CYP3A5: variants seen among roughly 807,000 people sequenced by gnomAD.
CYP3A5 encodes cytochrome P450 3A5.
In CYP3A5, 51 loss-of-function variants were observed where a neutral mutation model predicts 55.9. The observed-to-expected ratio is 0.91, with a 90% CI of 0.73 to 1.15. The LOEUF (loss-of-function observed/expected upper bound fraction) is 1.15. Ranked by LOEUF, CYP3A5 falls within the 50% of genes most tolerant of loss-of-function variation. The pLI is 0.00. For synonymous variants in CYP3A5, 196 were observed against 213.9 expected (o/e 0.92, Z 0.73); for missense variants, 533 against 596.6 (o/e 0.89, Z 1.11).
At chr7:99,654,105 A>C (rs150826762) in intron 10 of CYP3A5, among the ~76,000 whole-genome samples, 30 of 152,082 alleles carry the variant, frequency 2.0e-4, no homozygotes, top group African/African-American at 6.8e-4. Flanking sequence ...TTATACTTTA[A>C]GTTTTAGGGT....
At chr7:99,667,350 G>T (rs1042871696) in intron 4 of CYP3A5, among the ~76,000 whole-genome samples, 2 of 152,190 alleles carry the variant, frequency 1.3e-5, no homozygotes, top group Non-Finnish European at 2.9e-5. Context: ...GTAGGGAACT[G>T]TTCTTCCAGT....
chr7:99,650,393 G>A (rs562123276), intron 11 of CYP3A5, among the ~76,000 whole-genome samples, 161 bp from the exon 12 acceptor site: 9 of 152,184 alleles, frequency 5.9e-5, no homozygotes, highest in African/African-American at 1.4e-4. Context: ...TGGTTATTTC[G>A]TTATAATCAT....
intron 2 of CYP3A5, 143 bp from the exon 3 acceptor site, chr7:99,674,728 T>C (rs890216980): frequency 2.8e-5 from 17 of 610,848 alleles, no homozygotes; most frequent in Non-Finnish European, 4.5e-5. Flanking sequence ...TTCAGAGATG[T>C]CTTAAGGGAA....
At chr7:99,651,338 A>G (rs1809168583) in intron 11 of CYP3A5, among the ~76,000 whole-genome samples, 1 of 152,222 alleles carries the variant, frequency 6.6e-6, no homozygotes, top group African/African-American at 2.4e-5. Context: ...ATTTATATAA[A>G]TCATATGAAT....
At chr7:99,677,638 T>A (rs905057872) in intron 1 of CYP3A5, among the ~76,000 whole-genome samples, 1 of 152,198 alleles carries the variant, frequency 6.6e-6, no homozygotes, top group Non-Finnish European at 1.5e-5. Flanking sequence ...AGGGCAGGGT[T>A]TGGAGGACTC....
intron 4 of CYP3A5, among the ~76,000 whole-genome samples, chr7:99,668,686 G>A (rs561378621): frequency 2.0e-5 from 3 of 152,204 alleles, no homozygotes; most frequent in Non-Finnish European, 2.9e-5. Flanking sequence ...GCGAGAGGAC[G>A]CTATTGCAGT....
chr7:99,673,939 A>G (rs1033793472), intron 3 of CYP3A5, among the ~76,000 whole-genome samples: 5 of 152,254 alleles, frequency 3.3e-5, no homozygotes, highest in Admixed American at 1.3e-4. Flanking sequence ...CTGGTGACAC[A>G]TGGGATCCTT....
In CYP3A5 at chr7:99,652,567, C is replaced by T; in HGVS notation, c.1239G>A (p.Glu413=). 6.2e-7 allele frequency: 1 copy of T among 1,608,388 alleles called. No individual in the cohort carries two copies. Among genetic ancestry groups the T allele is most frequent in the South Asian group, 1.1e-5 (1 of 90,382 alleles). ...GAGACTTGTACCTTTCAGGGCGGAACTCCTCAGGCTCTGTCCAGTACTTTG... is the reference window on the plus strand; with the variant it reads ...GAGACTTGTACCTTTCAGGGCGGAATTCCTCAGGCTCTGTCCAGTACTTTG... ...HDPKYWTEPE[E]FRPERFSKKK... Residue 413 remains glutamate (E), a synonymous_variant, in exon 11 of 13, where the codon GAG becomes GAA. Coordinates refer to ENST00000222982, the MANE Select transcript of CYP3A5 (RefSeq NM_000777.5).
rs751289723 is a variant in CYP3A5 at position 99,676,217 on chromosome 7, T to A, written c.72-9A>T. On this transcript the variant is annotated splice_polypyrimidine_tract_variant and intron_variant, in intron 1 of 12. Transcript: ENST00000222982. ...GTGTACGGGTCCCATATCTACAAAG[T>A]GAAACAGAAATCAGGTCACAGGGAT... 3 of 1,613,354 alleles carry A rather than the reference T, an allele frequency of 1.9e-6. No individual in the cohort carries two copies. The highest frequency in any genetic ancestry group is 1.3e-5 in the African/African-American group (1 of 74,992).
intron 2 of CYP3A5, among the ~76,000 whole-genome samples, 182 bp downstream of exon 2, chr7:99,675,933 C>T (rs1303790855): frequency 1.3e-5 from 2 of 151,266 alleles, no homozygotes; most frequent in East Asian, 4.0e-4. Flanking sequence ...TGGGCTCAAG[C>T]AATTTGCCAG....
In CYP3A5 at chr7:99,667,035, C is replaced by T. The variant is rs1811093404; in HGVS notation, c.349G>A (p.Ala117Thr). ...SLGPVGFMKS[A>T]ISLAEDEEWK... ...TCTTCATCCTCAGCTAAAGAGATGGCACTTTTCATAAATCCCACTGGGCCT... is the reference window on the plus strand; with the variant it reads ...TCTTCATCCTCAGCTAAAGAGATGGTACTTTTCATAAATCCCACTGGGCCT... Residue 117 changes from alanine (A) to threonine (T), a missense_variant, in exon 5 of 13, where the codon GCC becomes ACC. Physicochemically the swap from Ala to Thr is moderately conservative, Grantham distance 58. Coordinates refer to ENST00000222982, the MANE Select transcript of CYP3A5 (RefSeq NM_000777.5). The T allele has an allele frequency of 6.2e-7, 1 of 1,614,114 alleles. No individual in the cohort carries two copies. The highest frequency in any genetic ancestry group is 1.3e-5 in the African/African-American group (1 of 75,056).
intron 4 of CYP3A5, among the ~76,000 whole-genome samples, chr7:99,669,626 A>C (rs1243794633): frequency 6.6e-6 from 1 of 152,164 alleles, no homozygotes; most frequent in Non-Finnish European, 1.5e-5. Flanking sequence ...GCTAATTTAA[A>C]ATTTTATGCT....
chr7:99,666,919 C>G (rs1326176149), intron 5 of CYP3A5, 33 bp downstream of exon 5: 1 of 1,609,574 alleles, frequency 6.2e-7, no homozygotes, highest in Admixed American at 1.7e-5. Flanking sequence ...TCATTCTTTA[C>G]ATTTCTAATT....
Position 99,676,188 on chromosome 7 carries a change from C to T in CYP3A5, c.92G>A (p.Gly31Glu). The change falls in exon 2 of 13, where the codon GGA (glycine) becomes GAA (glutamate). Residue 31 changes from glycine (G) to glutamate (E), a missense_variant. Coordinates refer to ENST00000222982, the MANE Select transcript of CYP3A5 (RefSeq NM_000777.5). Reference protein sequence around the residue: ...LLYLYGTRTHGLFKRLGIPGP... With the variant: ...LLYLYGTRTHELFKRLGIPGP... ...TGGAATTCCCAGTCTCTTAAAAAGT[C>T]CATGTGTACGGGTCCCATATCTACA... 1 of 1,612,014 alleles carries T rather than the reference C, an allele frequency of 6.2e-7. No individual in the cohort carries two copies. The highest frequency in any genetic ancestry group is 1.3e-5 in the African/African-American group (1 of 74,888).
chr7:99,655,233 TC>T (rs1809589928), intron 10 of CYP3A5, among the ~76,000 whole-genome samples: 1 of 152,246 alleles, frequency 6.6e-6, no homozygotes, highest in African/African-American at 2.4e-5. Context: ...AAGTCTTTAA[TC>T]CATCTTGAAT....
chr7:99,679,712 C>T, intron 1 of CYP3A5, 114 bp downstream of exon 1: 4 of 965,196 alleles, frequency 4.1e-6, no homozygotes, highest in Non-Finnish European at 6.6e-6. Context: ...TCCAACACTT[C>T]AGCTACTTCT....
intron 1 of CYP3A5, among the ~76,000 whole-genome samples, chr7:99,677,707 A>G (rs1812425129): frequency 6.6e-6 from 1 of 152,246 alleles, no homozygotes; most frequent in African/African-American, 2.4e-5. Context: ...CAGAACAGTT[A>G]GTGGAAGTGC....
At chr7:99,663,857 A>C in intron 8 of CYP3A5, 111 bp downstream of exon 8, 1 of 1,434,524 alleles carries the variant, frequency 7.0e-7, no homozygotes, top group South Asian at 1.6e-5. Flanking sequence ...TGTTCTAAAC[A>C]TAAGTTCTCT....
chr7:99,665,371 A>G, intron 6 of CYP3A5, 57 bp from the exon 7 acceptor site: 8 of 1,602,270 alleles, frequency 5.0e-6, no homozygotes, highest in South Asian at 1.1e-5. Context: ...TCCTTCCACT[A>G]TACATGCAGC....
Sources: gnomAD v4.1 joint callset for allele counts (sites outside exome capture counted in the v4.1 genomes callset) on GRCh38, gnomAD v4.1.1 for gene constraint, MANE v1.5 for transcripts, NCBI Gene and HGNC (gene_info 2026-07-23, HGNC 2026-07-21) for gene names.